Variants in RAD54L observed in about 807,000 individuals in gnomAD.
RAD54L encodes RAD54 like, also known as DNA repair and recombination protein RAD54-like.
RAD54L carries 74 observed loss-of-function variants against 91.6 expected under a neutral mutation model. That is an observed-to-expected ratio of 0.81 (90% CI 0.67 to 0.98). The LOEUF (loss-of-function observed/expected upper bound fraction) is 0.98, where lower values mean the gene tolerates loss of function less well. RAD54L is among the 50% of genes least tolerant of loss of function. RAD54L has a pLI of 0.00. For missense variants in RAD54L, 887 were observed against 945.7 expected, an observed-to-expected ratio of 0.94 and a Z score of 0.81; for synonymous variants, 304 against 349.7, an observed-to-expected ratio of 0.87 and a Z score of 1.46.
chr1:46,276,195 T>A (rs1228672553), intron 16 of RAD54L, among the ~76,000 whole-genome samples: 1 of 152,242 alleles, frequency 6.6e-6, no homozygotes, highest in East Asian at 1.9e-4. Context: ...ACTGATTGAT[T>A]TTGAGACACT....
In RAD54L at chr1:46,250,092, A is replaced by ACCAC; in HGVS notation, c.185_188dup (p.Cys64ThrfsTer9). On this transcript the variant is annotated frameshift_variant, in exon 3 of 18. Coordinates refer to ENST00000371975, the MANE Select transcript of RAD54L (RefSeq NM_003579.4). LOFTEE classifies it high-confidence loss of function. ...AACCTTTGAGTCAGCTAACCAATCAACCACCTTGTCTGGACAGCAGTCAGC... is the reference window on the plus strand; with the variant it reads ...AACCTTTGAGTCAGCTAACCAATCAACCACCCACCTTGTCTGGACAGCAGTCAGC... The ACCAC allele has an allele frequency of 6.2e-7, 1 of 1,614,122 alleles. No individual in the cohort carries two copies. The highest frequency in any genetic ancestry group is 8.5e-7 in the Non-Finnish European group (1 of 1,180,026).
intron 7 of RAD54L, 116 bp from the exon 8 acceptor site, chr1:46,261,145 G>A: frequency 6.5e-7 from 1 of 1,544,386 alleles, no homozygotes; most frequent in Non-Finnish European, 8.8e-7. Context: ...ATTGAAAATA[G>A]TTGAAGTGGA....
Position 46,278,204 on chromosome 1 carries a change from T to C in RAD54L, c.2166T>C (p.Ala722=), listed in dbSNP as rs1460048857. The change falls in exon 18 of 18, where the codon GCT becomes GCC. Residue 722 remains alanine, a synonymous_variant. Coordinates refer to ENST00000371975, the MANE Select transcript of RAD54L (RefSeq NM_003579.4). ...KWGLRDEVLQ[A]AWDAASTAIT... is the part of the protein sequence containing the mutation. The stretch of plus-strand genomic sequence containing the variant: ...GGCTCCGGGATGAGGTACTCCAGGC[T>C]GCCTGGGATGCTGCCTCCACTGCCA... The C allele has an allele frequency of 1.2e-6, 2 of 1,614,004 alleles. No homozygotes were observed. The highest frequency in any genetic ancestry group is 1.1e-5 in the South Asian group (1 of 91,016).
intron 5 of RAD54L, among the ~76,000 whole-genome samples, 162 bp downstream of exon 5, chr1:46,260,261 C>T (rs1660072021): frequency 6.6e-6 from 1 of 152,126 alleles, no homozygotes; most frequent in South Asian, 2.1e-4. Context: ...AGCCTGTGGT[C>T]ATGTCCAGTG....
rs1660667180 is a variant in RAD54L, at chr1:46,277,998, C to T, written c.2033+18C>T. 1 of 1,614,170 alleles carries T rather than the reference C, an allele frequency of 6.2e-7. No individual in the cohort carries two copies. The highest frequency in any genetic ancestry group is 8.5e-7 in the Non-Finnish European group (1 of 1,180,024). On this transcript the variant is annotated intron_variant, in intron 17 of 17. Transcript: ENST00000371975. The stretch of plus-strand genomic sequence containing the variant: ...CATGACAGGTGGGGAAGTGCCCTAA[C>T]CATTATCTCTAAGCTACCCACACAG...
intron 10 of RAD54L, among the ~76,000 whole-genome samples, chr1:46,271,249 A>T (rs1660418113): frequency 6.6e-6 from 1 of 152,186 alleles, no homozygotes; most frequent in Admixed American, 6.5e-5. Context: ...GGGTAGGCAC[A>T]TTCTGGACTC....
At position 46,273,606 on chromosome 1, in the gene RAD54L, G is replaced by A. The variant is rs760936107; in HGVS notation, c.1487-18G>A. ...TTGGGACAGCCAGTAGGGGACTGCT[G>A]GTTGCTGCTCTTCCCAGGTAAGATG... is the stretch of plus-strand genomic sequence containing the variant. On this transcript the variant is annotated intron_variant, in intron 13 of 17. Coordinates refer to ENST00000371975, the MANE Select transcript of RAD54L (RefSeq NM_003579.4). 22 of 1,612,932 alleles carry A rather than the reference G, an allele frequency of 1.4e-5. No individual in the cohort carries two copies. Among genetic ancestry groups the A allele is most frequent in the Admixed American group, 1.7e-5 (1 of 60,000 alleles).
rs1292239081 is a variant in RAD54L, at chr1:46,265,757, T to C, written c.892-1702T>C. Among the ~76,000 whole-genome samples, 1 of 152,194 alleles carries C rather than the reference T, an allele frequency of 6.6e-6. No homozygotes were observed. The highest frequency in any genetic ancestry group is 1.5e-5 in the Non-Finnish European group (1 of 68,038). On this transcript the variant is annotated intron_variant, in intron 8 of 17. Coordinates refer to ENST00000371975, the MANE Select transcript of RAD54L (RefSeq NM_003579.4). The surrounding 1 kb of genome is among the most constrained non-coding windows in gnomAD (Gnocchi z 4.8). ...GTACAGTAGAGTGTGATTAGTACTC[T>C]AGTATATATATTATGGATGAGGGCA...
chr1:46,271,031 G>C (rs1272131446), intron 10 of RAD54L, among the ~76,000 whole-genome samples: 6 of 152,198 alleles, frequency 3.9e-5, no homozygotes, highest in Non-Finnish European at 8.8e-5. Context: ...GCTTTTCTCT[G>C]ATGCTGCTGG....
chr1:46,261,202 T>G, intron 7 of RAD54L, 59 bp from the exon 8 acceptor site: 1 of 1,594,212 alleles, frequency 6.3e-7, no homozygotes. Context: ...ATTGTTTTTT[T>G]TGTTTTTTTT....
intron 9 of RAD54L, among the ~76,000 whole-genome samples, chr1:46,270,261 C>T (rs1660384164): frequency 6.6e-6 from 1 of 151,422 alleles, no homozygotes; most frequent in Non-Finnish European, 1.5e-5. Flanking sequence ...CCCAACTACT[C>T]GGGAGGCTGA....
rs1210888975 is a variant in RAD54L, at chr1:46,263,942, C to T, written c.891+2557C>T. ...CCACCCGAGTAGCTGATATTACAGG[C>T]GTGCACCACCACTCTGGCTAATTTT... On this transcript the variant is annotated intron_variant, in intron 8 of 17. Transcript: ENST00000371975. This position sits in a 1 kb window ranked among gnomAD's most constrained non-coding sequence, Gnocchi z 4.3. Among the ~76,000 whole-genome samples, 1 of 152,238 alleles carries T rather than the reference C, an allele frequency of 6.6e-6. No individual in the cohort carries two copies. Among genetic ancestry groups the T allele is most frequent in the African/African-American group, 2.4e-5 (1 of 41,542 alleles).
rs1218946402 is a variant in RAD54L at position 46,274,608 on chromosome 1, G to A, written c.1760G>A (p.Arg587Gln). ...GGCCTCAATCTCATTGGGGCTAACCGGCTGGTCATGTTTGACCCTGACTGG... is the reference window on the plus strand; with the variant it reads ...GGCCTCAATCTCATTGGGGCTAACCAGCTGGTCATGTTTGACCCTGACTGG... ...GCGLNLIGAN[R>Q]LVMFDPDWNP... Residue 587 changes from arginine to glutamine, a missense_variant, in exon 16 of 18, where the codon CGG becomes CAG. By Grantham distance (43) the Arg-to-Gln change is conservative (BLOSUM62 1). Transcript: ENST00000371975. The A allele has an allele frequency of 8.1e-6, 13 of 1,613,778 alleles. No individual in the cohort carries two copies. Among genetic ancestry groups the A allele is most frequent in the South Asian group, 3.3e-5 (3 of 91,070 alleles).
At position 46,278,463 on chromosome 1, in the gene RAD54L, A is replaced by C; in HGVS notation, c.*181A>C. 1 of 785,178 alleles carries C rather than the reference A, an allele frequency of 1.3e-6. No homozygotes were observed. The highest frequency in any genetic ancestry group is 2.1e-6 in the Non-Finnish European group (1 of 487,154). 48.6% of individuals were successfully genotyped at this position (785,178 alleles called of 1,614,324 possible). On this transcript the variant is annotated 3_prime_UTR_variant, in exon 18 of 18. Transcript: ENST00000371975. ...TTTGGTTAAAAAAAAGAATAAAGGT[A>C]TGAAAGGGTTTGAGGCCTGAGAGCA...
chr1:46,258,845 T>C, intron 4 of RAD54L, 99 bp downstream of exon 4: 3 of 1,004,814 alleles, frequency 3.0e-6, no homozygotes, highest in Non-Finnish European at 4.7e-6. Context: ...AGCTGGGAAT[T>C]GAAGGTGCCA....
chr1:46,256,577 G>A (rs1048903407), intron 3 of RAD54L, among the ~76,000 whole-genome samples: 2 of 151,522 alleles, frequency 1.3e-5, no homozygotes, highest in African/African-American at 4.9e-5. Flanking sequence ...AGACTGCAGT[G>A]AGGTATGATC....
intron 3 of RAD54L, among the ~76,000 whole-genome samples, chr1:46,257,886 C>G (rs1659985443): frequency 6.6e-6 from 1 of 152,150 alleles, no homozygotes. Flanking sequence ...GTGACTTAAT[C>G]ACTCTGAGCC....
At chr1:46,269,852 C>T (rs535252247) in intron 9 of RAD54L, among the ~76,000 whole-genome samples, 29 of 152,232 alleles carry the variant, frequency 1.9e-4, no homozygotes, top group East Asian at 7.7e-4. Context: ...ACTGTAATCC[C>T]AGCACTTTGG....
Position 46,260,872 on chromosome 1 carries a change from A to C in RAD54L, c.623A>C (p.Lys208Thr), listed in dbSNP as rs766316711. The change falls in exon 7 of 18, where the codon AAG becomes ACG. Residue 208 changes from lysine (K) to threonine (T), a missense_variant. Physicochemically the swap from Lys to Thr is moderately conservative, Grantham distance 78. Transcript: ENST00000371975. Reference protein sequence around the residue: ...WTLLRQSPECKPEIDKAVVVS... With the variant: ...WTLLRQSPECTPEIDKAVVVS... ...CTTTTACGCCAGAGTCCAGAGTGCA[A>C]GCCAGAAATTGACAAGGCAGTGGTG... is the stretch of plus-strand genomic sequence containing the variant. 6.2e-7 allele frequency: 1 copy of C among 1,614,238 alleles called. No homozygotes were observed. The highest frequency in any genetic ancestry group is 8.5e-7 in the Non-Finnish European group (1 of 1,180,038).
Sources: allele counts gnomAD v4.1 joint callset (sites outside exome capture counted in the v4.1 genomes callset), GRCh38; gene constraint gnomAD v4.1.1; non-coding constraint Gnocchi (gnomAD v3.1); transcripts MANE v1.5; gene names NCBI Gene and HGNC (gene_info 2026-07-23, HGNC 2026-07-21).